ABCG4: variants seen among roughly 807,000 people sequenced by gnomAD.
ABCG4 encodes the protein ATP binding cassette subfamily G member 4, also known as ATP-binding cassette sub-family G member 4.
ABCG4 carries 35 observed loss-of-function variants against 64.6 expected under a neutral mutation model. The ratio of observed to expected loss-of-function variants is 0.54; its 90% CI spans 0.41 to 0.72. ABCG4 has a LOEUF of 0.72. ABCG4 is among the 30% of genes least tolerant of loss of function. ABCG4 has a pLI of 0.00. For missense variants in ABCG4, 610 were observed against 846.3 expected, an observed-to-expected ratio of 0.72 and a Z score of 3.46; for synonymous variants, 326 against 348.2, an observed-to-expected ratio of 0.94 and a Z score of 0.71.
chr11:119,161,834 C>T lies in ABCG4; in HGVS notation c.*728C>T, dbSNP rs1226380874. 2.6e-5 allele frequency: 4 copies of T among 152,980 alleles called. No homozygotes were observed. The highest frequency in any genetic ancestry group is 5.9e-5 in the Non-Finnish European group (4 of 68,326). 9.5% of individuals were successfully genotyped at this position (152,980 alleles called of 1,614,324 possible). A position where few individuals can be genotyped will look rare whatever the true frequency, so the allele number is the denominator to read the frequency against. On this transcript the variant is annotated 3_prime_UTR_variant, in exon 15 of 15. Coordinates refer to ENST00000619701, the MANE Select transcript of ABCG4 (RefSeq NM_022169.5). ...TGTGCAATAATGTCTGTGTTTCTCT[C>T]CCACCTGCCACTGGAACTGGAGAAT...
chr11:119,162,510 C>G lies in ABCG4; in HGVS notation c.*1404C>G, dbSNP rs1013477055. The G allele has an allele frequency of 6.6e-6, 1 of 152,376 alleles. No individual in the cohort carries two copies. The highest frequency in any genetic ancestry group is 1.5e-5 in the Non-Finnish European group (1 of 68,096). 9.4% of individuals were successfully genotyped at this position (152,376 alleles called of 1,614,324 possible). A position where few individuals can be genotyped will look rare whatever the true frequency, so the allele number is the denominator to read the frequency against. ...CATTCTGCTTCTGATTTCCCCTCCC[C>G]CAGGGCTCATTTTCCCCCTTTTTCC... is the stretch of plus-strand genomic sequence containing the variant. On this transcript the variant is annotated 3_prime_UTR_variant, in exon 15 of 15. Transcript: ENST00000619701.
At position 119,160,434 on chromosome 11, in the gene ABCG4, G is replaced by A. The variant is rs1390695040; in HGVS notation, c.1596+49G>A. The A allele has an allele frequency of 6.2e-7, 1 of 1,604,286 alleles. No homozygotes were observed. The highest frequency in any genetic ancestry group is 8.5e-7 in the Non-Finnish European group (1 of 1,173,218). Reference sequence around the variant, plus strand: ...TTCCCAAGGCGGGATGAGGTCTTGTGGGAGGAAGCAGGGCCTGGTGCAAGG... The same window carrying A: ...TTCCCAAGGCGGGATGAGGTCTTGTAGGAGGAAGCAGGGCCTGGTGCAAGG... On this transcript the variant is annotated intron_variant, in intron 13 of 14. Coordinates refer to ENST00000619701, the MANE Select transcript of ABCG4 (RefSeq NM_022169.5). This position sits in a 1 kb window ranked among gnomAD's most constrained non-coding sequence, Gnocchi z 4.6.
chr11:119,160,598 G>T lies in ABCG4; in HGVS notation c.1657G>T (p.Val553Phe). Residue 553 changes from valine to phenylalanine, a missense_variant, in exon 14 of 15, where the codon GTC becomes TTC. Physicochemically the swap from Val to Phe is conservative, Grantham distance 50. Coordinates refer to ENST00000619701, the MANE Select transcript of ABCG4 (RefSeq NM_022169.5). The surrounding 1 kb of genome is among the most constrained non-coding windows in gnomAD (Gnocchi z 4.6). ...IPVLLFSGFF[V>F]SFKTIPTYLQ... The stretch of plus-strand genomic sequence containing the variant: ...TGTCCTCTTGTTCTCCGGCTTCTTT[G>T]TCAGCTTCAAGACCATCCCCACTTA... The T allele has an allele frequency of 6.2e-7, 1 of 1,613,372 alleles. No homozygotes were observed. The highest frequency in any genetic ancestry group is 1.3e-5 in the African/African-American group (1 of 75,006).
At chr11:119,152,245 A>G (rs1948202054) in intron 2 of ABCG4, among the ~76,000 whole-genome samples, 1 of 152,208 alleles carries the variant, frequency 6.6e-6, no homozygotes, top group Admixed American at 6.5e-5. Context: ...GTGAGTCACT[A>G]GATGTCTCTG....
In ABCG4 at chr11:119,155,638, A is replaced by C. The variant is rs1418776273; in HGVS notation, c.687-691A>C. On this transcript the variant is annotated intron_variant, in intron 6 of 14. Transcript: ENST00000619701. The surrounding 1 kb of genome is among the most constrained non-coding windows in gnomAD (Gnocchi z 4.5). ...TGCCCGGACAGAGTGAACTTTCTAA[A>C]GACAAGTCTGCAGTGCTCACTCCCC... 2 of 152,754 alleles carry C rather than the reference A, an allele frequency of 1.3e-5. No homozygotes were observed. Among genetic ancestry groups the C allele is most frequent in the African/African-American group, 2.4e-5 (1 of 41,440 alleles). The allele number at this position is 152,754 out of a possible 1,614,324, so 9.5% of individuals were successfully genotyped here.
chr11:119,160,226 G>C lies in ABCG4; in HGVS notation c.1438-1G>C. On this transcript the variant is annotated splice_acceptor_variant, in intron 12 of 14. Coordinates refer to ENST00000619701, the MANE Select transcript of ABCG4 (RefSeq NM_022169.5). LOFTEE classifies it high-confidence loss of function. This position sits in a 1 kb window ranked among gnomAD's most constrained non-coding sequence, Gnocchi z 4.6. Reference sequence around the variant, plus strand: ...CTGTCCAGCCCGTGCCCACTCCCCAGGTGGTGTGTCCGGTGGTCTACTGCA... The same window carrying C: ...CTGTCCAGCCCGTGCCCACTCCCCACGTGGTGTGTCCGGTGGTCTACTGCA... The C allele has an allele frequency of 6.2e-7, 1 of 1,606,706 alleles. No homozygotes were observed. Among genetic ancestry groups the C allele is most frequent in the Non-Finnish European group, 8.5e-7 (1 of 1,174,352 alleles).
intron 2 of ABCG4, chr11:119,153,824 T>G (rs1273427495): frequency 1.5e-5 from 9 of 588,230 alleles, no homozygotes; most frequent in Non-Finnish European, 1.8e-5. Context: ...GGTACTTTGA[T>G]ATTAGTGGTG....
Position 119,160,952 on chromosome 11 carries a change from G to T in ABCG4, c.1787G>T (p.Arg596Leu). 6.2e-7 allele frequency: 1 copy of T among 1,614,084 alleles called. No homozygotes were observed. Among genetic ancestry groups the T allele is most frequent in the South Asian group, 1.1e-5 (1 of 91,078 alleles). Residue 596 changes from arginine to leucine, a missense_variant, in exon 15 of 15, where the codon CGC becomes CTC. By Grantham distance (102) the Arg-to-Leu change is moderately radical. Transcript: ENST00000619701. This position sits in a 1 kb window ranked among gnomAD's most constrained non-coding sequence, Gnocchi z 4.6. ...ERGDLTCLEE[R>L]CPFREPQSIL... Reference sequence around the variant, plus strand: ...GGAGACCTGACATGTTTAGAGGAACGCTGCCCGTTCCGGGAGCCACAGAGC... The same window carrying T: ...GGAGACCTGACATGTTTAGAGGAACTCTGCCCGTTCCGGGAGCCACAGAGC...
chr11:119,149,804 GGGGGGC>G lies in ABCG4; in HGVS notation c.-12-143_-12-138del. The G allele has an allele frequency of 8.0e-7, 1 of 1,251,994 alleles. No individual in the cohort carries two copies. The highest frequency in any genetic ancestry group is 1.1e-6 in the Non-Finnish European group (1 of 929,984). 77.6% of individuals were successfully genotyped at this position (1,251,994 alleles called of 1,614,324 possible). On this transcript the variant is annotated intron_variant, in intron 1 of 14. Transcript: ENST00000619701. The surrounding 1 kb of genome is among the most constrained non-coding windows in gnomAD (Gnocchi z 8.3). ...GACTGAGCGTCTCCGTGCGGAGAGT[GGGGGGC>G]GGGGGCAGAGTGCGGGGCTAACAGT...
Position 119,150,069 on chromosome 11 carries a change from C to T in ABCG4, c.104C>T (p.Thr35Met). The change falls in exon 2 of 15, where the codon ACG (threonine) becomes ATG (methionine). Residue 35 changes from threonine to methionine, a missense_variant. Thr to Met is a moderately conservative substitution (Grantham distance 81). Coordinates refer to ENST00000619701, the MANE Select transcript of ABCG4 (RefSeq NM_022169.5). The surrounding 1 kb of genome is among the most constrained non-coding windows in gnomAD (Gnocchi z 4.3). ...GGGGCGGAACCCCCTGTGCTGACCA[C>T]GCACCTGAAGAAGGTGGAGAACCAC... is the stretch of plus-strand genomic sequence containing the variant. ...EDGAEPPVLT[T>M]HLKKVENHIT... 1.2e-6 allele frequency: 2 copies of T among 1,614,090 alleles called. No individual in the cohort carries two copies. The highest frequency in any genetic ancestry group is 1.7e-6 in the Non-Finnish European group (2 of 1,180,022).
At position 119,160,082 on chromosome 11, in the gene ABCG4, G is replaced by T; in HGVS notation, c.1438-145G>T. 1.2e-6 allele frequency: 1 copy of T among 838,548 alleles called. No homozygotes were observed. 51.9% of individuals were successfully genotyped at this position (838,548 alleles called of 1,614,324 possible). On this transcript the variant is annotated intron_variant, in intron 12 of 14. Coordinates refer to ENST00000619701, the MANE Select transcript of ABCG4 (RefSeq NM_022169.5). The surrounding 1 kb of genome is among the most constrained non-coding windows in gnomAD (Gnocchi z 4.6). ...GGAGGAAGGGGACGTGTGTCAATCTGGGGGACAGCTTGAACAAGAATGTGG... is the reference window on the plus strand; with the variant it reads ...GGAGGAAGGGGACGTGTGTCAATCTTGGGGACAGCTTGAACAAGAATGTGG...
rs769271869 is a variant in ABCG4, at chr11:119,160,224, C to T, written c.1438-3C>T. ...CACTGTCCAGCCCGTGCCCACTCCC[C>T]AGGTGGTGTGTCCGGTGGTCTACTG... is the stretch of plus-strand genomic sequence containing the variant. On this transcript the variant is annotated splice_polypyrimidine_tract_variant and splice_region_variant and intron_variant, in intron 12 of 14. Coordinates refer to ENST00000619701, the MANE Select transcript of ABCG4 (RefSeq NM_022169.5). This position sits in a 1 kb window ranked among gnomAD's most constrained non-coding sequence, Gnocchi z 4.6. 1 of 1,606,478 alleles carries T rather than the reference C, an allele frequency of 6.2e-7. No individual in the cohort carries two copies. Among genetic ancestry groups the T allele is most frequent in the Non-Finnish European group, 8.5e-7 (1 of 1,174,164 alleles).
rs367951222 is a variant in ABCG4, at chr11:119,154,168, G to A, written c.356+25G>A. 32 of 1,613,702 alleles carry A rather than the reference G, an allele frequency of 2.0e-5. No individual in the cohort carries two copies. The African/African-American group carries it at 4.3e-4, about 22-fold the overall frequency. On this transcript the variant is annotated intron_variant, in intron 3 of 14. Transcript: ENST00000619701. The surrounding 1 kb of genome is among the most constrained non-coding windows in gnomAD (Gnocchi z 7.0). ...GGTAAGGAAGAGACTGGGGTGGAAT[G>A]GAGGCAGGACTCAGGAAGAAGTATC...
chr11:119,154,256 G>T lies in ABCG4; in HGVS notation c.357-4G>T. ...ACCCCCATCCTCAACCCACATCCCT[G>T]CAGGGAGTCTGGAATGAAGGGGCAG... is the stretch of plus-strand genomic sequence containing the variant. On this transcript the variant is annotated splice_region_variant and splice_polypyrimidine_tract_variant and intron_variant, in intron 3 of 14. Coordinates refer to ENST00000619701, the MANE Select transcript of ABCG4 (RefSeq NM_022169.5). The surrounding 1 kb of genome is among the most constrained non-coding windows in gnomAD (Gnocchi z 7.0). The T allele has an allele frequency of 1.2e-6, 2 of 1,614,128 alleles. No individual in the cohort carries two copies. Among genetic ancestry groups the T allele is most frequent in the East Asian group, 2.2e-5 (1 of 44,884 alleles).
At position 119,156,055 on chromosome 11, in the gene ABCG4, C is replaced by G; in HGVS notation, c.687-274C>G. 1 of 426,464 alleles carries G rather than the reference C, an allele frequency of 2.3e-6. No individual in the cohort carries two copies. Among genetic ancestry groups the G allele is most frequent in the South Asian group, 2.7e-5 (1 of 36,540 alleles). The allele number at this position is 426,464 out of a possible 1,614,324, so 26.4% of individuals were successfully genotyped here. ...ATCATCTGTGTGCTTGTCTCTCTCT[C>G]CTTCCAGACCAGAGTCTATGTCTTA... On this transcript the variant is annotated intron_variant, in intron 6 of 14. Coordinates refer to ENST00000619701, the MANE Select transcript of ABCG4 (RefSeq NM_022169.5). The surrounding 1 kb of genome is among the most constrained non-coding windows in gnomAD (Gnocchi z 5.5).
chr11:119,156,697 G>T lies in ABCG4; in HGVS notation c.925+19G>T. 1.2e-6 allele frequency: 2 copies of T among 1,613,254 alleles called. No homozygotes were observed. The highest frequency in any genetic ancestry group is 1.7e-5 in the Admixed American group (1 of 60,010). ...GACTTCAGTGAGTGGGGGTCTGTTG[G>T]TAGGGGCTGGGAAACAGCAGTGGGC... On this transcript the variant is annotated intron_variant, in intron 8 of 14. Coordinates refer to ENST00000619701, the MANE Select transcript of ABCG4 (RefSeq NM_022169.5). The surrounding 1 kb of genome is among the most constrained non-coding windows in gnomAD (Gnocchi z 5.5).
At chr11:119,157,114 C>T in intron 9 of ABCG4, 100 bp downstream of exon 9, 2 of 1,469,676 alleles carry the variant, frequency 1.4e-6, no homozygotes, top group Non-Finnish European at 1.8e-6. Context: ...AGAGGCATTG[C>T]AACCAATGGG....
At position 119,158,573 on chromosome 11, in the gene ABCG4, G is replaced by A. The variant is rs149710791; in HGVS notation, c.1184G>A (p.Arg395Gln). ...ILRDTVLTHLRFMSHVVIGVL... is the reference protein window; with the variant it reads ...ILRDTVLTHLQFMSHVVIGVL... ...CCTCCCAAGGTCCTGACCCACCTAC[G>A]GTTCATGTCCCACGTGGTTATTGGC... The change falls in exon 11 of 15, where the codon CGG (arginine) becomes CAG (glutamine). Residue 395 changes from arginine to glutamine, a missense_variant. Coordinates refer to ENST00000619701, the MANE Select transcript of ABCG4 (RefSeq NM_022169.5). The surrounding 1 kb of genome is among the most constrained non-coding windows in gnomAD (Gnocchi z 4.5). 2.1e-4 allele frequency: 332 copies of A among 1,614,126 alleles called. No homozygotes were observed. The highest frequency in any genetic ancestry group is 4.9e-4 in the Middle Eastern group (3 of 6,062).
In ABCG4 at chr11:119,150,288, G is replaced by C; in HGVS notation, c.238+85G>C. The C allele has an allele frequency of 6.5e-7, 1 of 1,528,344 alleles. No individual in the cohort carries two copies. The highest frequency in any genetic ancestry group is 8.8e-7 in the Non-Finnish European group (1 of 1,132,640). The allele number at this position is 1,528,344 out of a possible 1,614,324, so 94.7% of individuals were successfully genotyped here. A position where few individuals can be genotyped will look rare whatever the true frequency, so the allele number is the denominator to read the frequency against. ...CATGAGGCCTGGGTGTCCCATGTTC[G>C]GAAAGTCCTGCACCAGTGGGCTCTG... On this transcript the variant is annotated intron_variant, in intron 2 of 14. Coordinates refer to ENST00000619701, the MANE Select transcript of ABCG4 (RefSeq NM_022169.5). The surrounding 1 kb of genome is among the most constrained non-coding windows in gnomAD (Gnocchi z 4.3).
Sources: gnomAD v4.1 joint callset for allele counts (sites outside exome capture counted in the v4.1 genomes callset) on GRCh38, gnomAD v4.1.1 for gene constraint, Gnocchi (gnomAD v3.1) non-coding constraint, MANE v1.5 for transcripts, NCBI Gene and HGNC (gene_info 2026-07-23, HGNC 2026-07-21) for gene names.